CTNNA2: variants seen among roughly 807,000 people sequenced by gnomAD.
CTNNA2 encodes catenin alpha-2.
A neutral mutation model predicts 101.0 loss-of-function variants in CTNNA2; 42 were observed. The observed-to-expected ratio is 0.42, with a 90% CI of 0.32 to 0.54. CTNNA2 has a LOEUF of 0.54. CTNNA2 is among the 20% of genes least tolerant of loss of function. CTNNA2 has a pLI of 0.14. For synonymous variants in CTNNA2, 450 were observed against 456.4 expected (o/e 0.99, Z 0.18); for missense variants, 871 against 1,223.1 (o/e 0.71, Z 4.29).
chr2:80,123,551 A>C (rs1471357026), intron 7 of CTNNA2, among the ~76,000 whole-genome samples: 1 of 152,190 alleles, frequency 6.6e-6, no homozygotes, highest in Admixed American at 6.5e-5. Context: ...TCTAGGCATC[A>C]CTGGGCTAAA....
intron 2 of CTNNA2, among the ~76,000 whole-genome samples, chr2:79,737,933 T>G (rs889837862): frequency 1.3e-5 from 2 of 152,230 alleles, no homozygotes; most frequent in Non-Finnish European, 2.9e-5. Flanking sequence ...TCATGCCTGT[T>G]GAGCTTTTGC....
At position 80,648,029 on chromosome 2, in the gene CTNNA2, A is replaced by C. The variant is rs1674295629; in HGVS notation, c.*157A>C. The C allele has an allele frequency of 6.2e-6, 4 of 645,786 alleles. No individual in the cohort carries two copies. The highest frequency in any genetic ancestry group is 1.0e-5 in the Non-Finnish European group (4 of 388,292). 40.0% of individuals were successfully genotyped at this position (645,786 alleles called of 1,614,324 possible). A position where few individuals can be genotyped will look rare whatever the true frequency, so the allele number is the denominator to read the frequency against. On this transcript the variant is annotated 3_prime_UTR_variant, in exon 19 of 19. Coordinates refer to ENST00000402739, the MANE Select transcript of CTNNA2 (RefSeq NM_001282597.3). Reference sequence around the variant, plus strand: ...TTGCATGTAAGATGAGATGAGATCAATACTACTGATCCATCTGTAGCCTGG... The same window carrying C: ...TTGCATGTAAGATGAGATGAGATCACTACTACTGATCCATCTGTAGCCTGG...
intron 11 of CTNNA2, among the ~76,000 whole-genome samples, chr2:80,553,062 C>A (rs143624733): frequency 4.9e-3 from 600 of 122,800 alleles, no homozygotes; most frequent in African/African-American, 5.2e-3. Flanking sequence ...ACTAAAAAGA[C>A]AAAAAAAAAA....
intron 2 of CTNNA2, among the ~76,000 whole-genome samples, chr2:79,685,666 G>A (rs1316230895): frequency 6.6e-6 from 1 of 152,142 alleles, no homozygotes; most frequent in Non-Finnish European, 1.5e-5. Context: ...TGCAAGGGAG[G>A]CTGGCAAATA....
chr2:80,033,385 C>A (rs1451175751), intron 7 of CTNNA2, among the ~76,000 whole-genome samples: 1 of 151,800 alleles, frequency 6.6e-6, no homozygotes, highest in Non-Finnish European at 1.5e-5. Flanking sequence ...CCAGCTTGGG[C>A]AACATGGTGG....
intron 4 of CTNNA2, among the ~76,000 whole-genome samples, chr2:79,502,372 A>G (rs1188563267): frequency 6.6e-6 from 1 of 152,210 alleles, no homozygotes; most frequent in East Asian, 1.9e-4. Context: ...AGAATGTACA[A>G]CTTCTTGGCA....
At chr2:80,282,927 G>C (rs892642391) in intron 7 of CTNNA2, among the ~76,000 whole-genome samples, 6 of 151,816 alleles carry the variant, frequency 4.0e-5, no homozygotes, top group African/African-American at 1.2e-4. Flanking sequence ...AGAAGATATT[G>C]GTCAAAATCA....
intron 3 of CTNNA2, among the ~76,000 whole-genome samples, chr2:79,790,716 T>G (rs1675206465): frequency 6.6e-6 from 1 of 152,212 alleles, no homozygotes; most frequent in African/African-American, 2.4e-5. Context: ...TTCAGTCTCC[T>G]GCTATTTTCT....
intron 7 of CTNNA2, among the ~76,000 whole-genome samples, chr2:80,144,850 C>T (rs561217699): frequency 2.4e-4 from 36 of 152,278 alleles, no homozygotes; most frequent in African/African-American, 8.2e-4. Flanking sequence ...ACTCTCATCA[C>T]AACTGACGTT....
intron 7 of CTNNA2, among the ~76,000 whole-genome samples, chr2:80,361,210 A>G (rs1390356942): frequency 6.6e-6 from 1 of 152,138 alleles, no homozygotes; most frequent in African/African-American, 2.4e-5. Flanking sequence ...TAGGTCAAAT[A>G]TTCAGGCCTT....
intron 9 of CTNNA2, among the ~76,000 whole-genome samples, chr2:80,492,475 A>C (rs1687141444): frequency 6.6e-6 from 1 of 152,206 alleles, no homozygotes; most frequent in African/African-American, 2.4e-5. Flanking sequence ...ATACACATTC[A>C]TGCTACTTCA....
chr2:80,456,211 G>A (rs6713736), intron 9 of CTNNA2, among the ~76,000 whole-genome samples: 47,524 of 152,072 alleles, frequency 0.31, 8,066 homozygotes, highest in East Asian at 0.66. Flanking sequence ...TGGAGTACCC[G>A]GGTTGTAGAC....
At chr2:80,138,670 T>A (rs1341818200) in intron 7 of CTNNA2, among the ~76,000 whole-genome samples, 1 of 152,140 alleles carries the variant, frequency 6.6e-6, no homozygotes, top group African/African-American at 2.4e-5. Context: ...GTTCATATTC[T>A]GGTTTCATCC....
At chr2:80,474,999 A>G (rs1356281006) in intron 9 of CTNNA2, among the ~76,000 whole-genome samples, 1 of 152,198 alleles carries the variant, frequency 6.6e-6, no homozygotes, top group Non-Finnish European at 1.5e-5. Context: ...TCTCAGAGAT[A>G]TAGACACCTA....
At chr2:79,621,520 C>G (rs539432486) in intron 1 of CTNNA2, among the ~76,000 whole-genome samples, 1 of 151,888 alleles carries the variant, frequency 6.6e-6, no homozygotes, top group Non-Finnish European at 1.5e-5. Context: ...TTGAGCAATA[C>G]GATACAGTAG....
intron 7 of CTNNA2, among the ~76,000 whole-genome samples, chr2:80,259,280 A>G (rs1240546882): frequency 1.3e-5 from 2 of 152,210 alleles, no homozygotes; most frequent in African/African-American, 4.8e-5. Context: ...TCCACTGTTC[A>G]CTGAATGTCA....
intron 7 of CTNNA2, among the ~76,000 whole-genome samples, chr2:80,367,132 C>G (rs891162183): frequency 6.6e-6 from 1 of 152,010 alleles, no homozygotes; most frequent in Admixed American, 6.6e-5. Context: ...AAGCAGTTCC[C>G]GGCTTGACTT....
intron 7 of CTNNA2, among the ~76,000 whole-genome samples, chr2:79,987,983 A>T (rs1217191585): frequency 2.6e-5 from 4 of 152,240 alleles, no homozygotes; most frequent in Non-Finnish European, 5.9e-5. Flanking sequence ...GTGTGGTTTA[A>T]GGGAAGTTGG....
chr2:79,313,811 T>A (rs973954203), intron 3 of CTNNA2, among the ~76,000 whole-genome samples: 1 of 151,890 alleles, frequency 6.6e-6, no homozygotes, highest in Non-Finnish European at 1.5e-5. Context: ...TCATCAGGGA[T>A]TGGGGTGTGT....
Sources: gnomAD v4.1 joint callset for allele counts (sites outside exome capture counted in the v4.1 genomes callset) on GRCh38, gnomAD v4.1.1 for gene constraint, MANE v1.5 for transcripts, NCBI Gene and HGNC (gene_info 2026-07-23, HGNC 2026-07-21) for gene names.